Variants in PTPRD observed in about 807,000 individuals in gnomAD.
The protein encoded by PTPRD is receptor-type tyrosine-protein phosphatase delta.
Under a neutral mutation model 214.5 loss-of-function variants are expected in PTPRD, and 34 were observed. The observed-to-expected ratio is 0.16, with a 90% confidence interval of 0.12 to 0.21. The LOEUF is 0.21. Ranked by LOEUF, PTPRD falls within the 10% of genes least tolerant of loss-of-function variation. The pLI is 1.00. For synonymous variants in PTPRD, 1,128 were observed against 845.7 expected (o/e 1.33, Z -5.79); for missense variants, 2,545 against 2,398.7 (o/e 1.06, Z -1.27).
At chr9:8,609,339 G>T (rs1237190346) in intron 14 of PTPRD, among the ~76,000 whole-genome samples, 2 of 152,182 alleles carry the variant, frequency 1.3e-5, no homozygotes, top group Non-Finnish European at 2.9e-5. Context: ...GGAAGGATAT[G>T]GGATGTGAAG....
At chr9:9,314,470 T>TTA (rs1569567292) in intron 9 of PTPRD, among the ~76,000 whole-genome samples, 1 of 152,142 alleles carries the variant, frequency 6.6e-6, no homozygotes, top group Non-Finnish European at 1.5e-5. Context: ...TTTTTTGTTG[T>TTA]TGTTGCAGTT....
intron 7 of PTPRD, among the ~76,000 whole-genome samples, chr9:9,700,050 T>C (rs924581016): frequency 6.6e-6 from 1 of 152,174 alleles, no homozygotes; most frequent in Admixed American, 6.5e-5. Flanking sequence ...ACATTCAGAA[T>C]GTGAAATTCC....
intron 5 of PTPRD, among the ~76,000 whole-genome samples, chr9:9,933,817 C>T (rs1318737511): frequency 1.3e-5 from 2 of 149,562 alleles, no homozygotes; most frequent in Non-Finnish European, 2.9e-5. Context: ...AAATTGACCA[C>T]ATACTTGGAA....
At chr9:9,390,894 A>T (rs2065608235) in intron 9 of PTPRD, among the ~76,000 whole-genome samples, 1 of 152,202 alleles carries the variant, frequency 6.6e-6, no homozygotes, top group Non-Finnish European at 1.5e-5. Context: ...CCTGGCAAAT[A>T]GTAATCACAG....
At position 9,504,062 on chromosome 9, in the gene PTPRD, G is replaced by A. The variant is rs1235236243; in HGVS notation, c.-237+70670C>T. On this transcript the variant is annotated intron_variant, in intron 8 of 45. Coordinates refer to ENST00000381196, the MANE Select transcript of PTPRD (RefSeq NM_002839.4). Reference sequence around the variant, plus strand: ...CCAAATGCACCACATAGTTACCATGGCAAGGGTATTCTCATTGCAATACCC... The same window carrying A: ...CCAAATGCACCACATAGTTACCATGACAAGGGTATTCTCATTGCAATACCC... Among the ~76,000 whole-genome samples, 2 of 151,456 alleles carry A rather than the reference G, an allele frequency of 1.3e-5. 1 individual carries two copies. The highest frequency in any genetic ancestry group is 1.3e-4 in the Admixed American group (2 of 15,126).
chr9:9,297,013 T>A (rs991168549), intron 9 of PTPRD, among the ~76,000 whole-genome samples: 1 of 151,738 alleles, frequency 6.6e-6, no homozygotes, highest in African/African-American at 2.4e-5. Flanking sequence ...TTAAGCAGAC[T>A]GACTTGGAAA....
At chr9:10,253,659 A>G (rs1428561460) in intron 3 of PTPRD, among the ~76,000 whole-genome samples, 1 of 152,180 alleles carries the variant, frequency 6.6e-6, no homozygotes, top group Non-Finnish European at 1.5e-5. Context: ...AAGGAAGAAA[A>G]ATCTCTCAGA....
At chr9:8,504,832 C>T (rs2097506754) in intron 22 of PTPRD, among the ~76,000 whole-genome samples, 1 of 152,140 alleles carries the variant, frequency 6.6e-6, no homozygotes, top group Non-Finnish European at 1.5e-5. Context: ...CTACTCATCT[C>T]CCATGACCTT....
chr9:10,186,626 A>C (rs1036922900), intron 3 of PTPRD, among the ~76,000 whole-genome samples: 7 of 152,290 alleles, frequency 4.6e-5, no homozygotes, highest in African/African-American at 1.7e-4. Flanking sequence ...ATAACATAGT[A>C]GAAAAAAATA....
chr9:9,530,595 T>C (rs935659109), intron 8 of PTPRD, among the ~76,000 whole-genome samples: 1 of 152,134 alleles, frequency 6.6e-6, no homozygotes, highest in African/African-American at 2.4e-5. Flanking sequence ...GCAGCACTAT[T>C]CACAATAGCA....
chr9:9,750,959 T>G lies in PTPRD; in HGVS notation c.-326+15851A>C, dbSNP rs1170280209. Among the ~76,000 whole-genome samples, 6 of 152,214 alleles carry G rather than the reference T, an allele frequency of 3.9e-5. No individual in the cohort carries two copies. In the East Asian group the frequency reaches 1.2e-3, roughly 29 times the overall value. On this transcript the variant is annotated intron_variant, in intron 6 of 45. Coordinates refer to ENST00000381196, the MANE Select transcript of PTPRD (RefSeq NM_002839.4). The stretch of plus-strand genomic sequence containing the variant: ...GCTTCACATGTCGCAATCATTAAAG[T>G]GCATTAAATCATCACTGGAGAAAGA...
chr9:9,771,785 AATT>A (rs1485184430), intron 5 of PTPRD, among the ~76,000 whole-genome samples: 3 of 152,202 alleles, frequency 2.0e-5, no homozygotes, highest in South Asian at 4.1e-4. Flanking sequence ...AATCAAATAA[AATT>A]ATTATTAAAT....
rs563548611 is a variant in PTPRD, at chr9:10,524,488, A to G, written c.-600+87910T>C. On this transcript the variant is annotated intron_variant, in intron 2 of 45. Transcript: ENST00000381196. Reference sequence around the variant, plus strand: ...AGGAAAATGAAATTATCCTAACACCATAAGCCATAAAATAAAAATATTTTT... The same window carrying G: ...AGGAAAATGAAATTATCCTAACACCGTAAGCCATAAAATAAAAATATTTTT... Among the ~76,000 whole-genome samples the G allele has an allele frequency of 2.2e-4, 33 of 152,242 alleles. No individual in the cohort carries two copies. The East Asian group carries it at 4.4e-3, about 20-fold the overall frequency.
chr9:10,369,322 G>C (rs1233417601), intron 2 of PTPRD, among the ~76,000 whole-genome samples: 4 of 152,034 alleles, frequency 2.6e-5, no homozygotes, highest in African/African-American at 9.7e-5. Context: ...TTTCCCAAAA[G>C]ATCAAACATG....
chr9:9,875,178 C>T (rs2066500912), intron 5 of PTPRD, among the ~76,000 whole-genome samples: 1 of 152,020 alleles, frequency 6.6e-6, no homozygotes, highest in Non-Finnish European at 1.5e-5. Flanking sequence ...TTGCCTAGAA[C>T]AGTATCAACT....
chr9:8,383,262 T>G (rs2085765546), intron 37 of PTPRD, among the ~76,000 whole-genome samples: 1 of 152,190 alleles, frequency 6.6e-6, no homozygotes, highest in Non-Finnish European at 1.5e-5. Flanking sequence ...CACTTTGTGC[T>G]AGGGTAAGTT....
At chr9:9,609,494 G>A (rs771132473) in intron 7 of PTPRD, among the ~76,000 whole-genome samples, 3 of 152,148 alleles carry the variant, frequency 2.0e-5, no homozygotes, top group Non-Finnish European at 1.5e-5. Flanking sequence ...ACAGAGTCTC[G>A]CTCTGTAGCC....
chr9:8,751,410 A>AAAAAG (rs1565788488), intron 11 of PTPRD, among the ~76,000 whole-genome samples: 2 of 105,862 alleles, frequency 1.9e-5, no homozygotes, highest in Admixed American at 1.1e-4. Flanking sequence ...CTTAAAAAAA[A>AAAAAG]AAAAGAAAAG....
intron 6 of PTPRD, among the ~76,000 whole-genome samples, chr9:9,765,416 C>T (rs1014822861): frequency 1.3e-5 from 2 of 152,076 alleles, no homozygotes; most frequent in Non-Finnish European, 2.9e-5. Context: ...CTGATAACCT[C>T]AAACCAAGGA....
Sources: allele counts gnomAD v4.1 joint callset (sites outside exome capture counted in the v4.1 genomes callset), GRCh38; gene constraint gnomAD v4.1.1; transcripts MANE v1.5; gene names NCBI Gene and HGNC (gene_info 2026-07-23, HGNC 2026-07-21).